The following FRMD4A variants were observed in gnomAD, a reference collection of about 807,000 sequenced individuals.
FRMD4A encodes the protein FERM domain containing 4A.
A neutral mutation model predicts 129.1 loss-of-function variants in FRMD4A; 29 were observed. The observed-to-expected ratio is 0.22, with a 90% CI of 0.17 to 0.31. The LOEUF (loss-of-function observed/expected upper bound fraction) is 0.31, where lower values mean the gene tolerates loss of function less well. Among genes scored for constraint, FRMD4A ranks in the 10% least tolerant of loss-of-function variants. The pLI is 1.00. For missense variants in FRMD4A, 1,272 were observed against 1,375.8 expected, an observed-to-expected ratio of 0.92 and a Z score of 1.19; for synonymous variants, 634 against 571.6, an observed-to-expected ratio of 1.11 and a Z score of -1.56.
intron 3 of FRMD4A, among the ~76,000 whole-genome samples, chr10:13,813,210 C>T (rs764242698): frequency 6.6e-6 from 1 of 152,202 alleles, no homozygotes; most frequent in Non-Finnish European, 1.5e-5. Context: ...TTTGGGAGGC[C>T]GAGGTGGGCA....
In FRMD4A at chr10:13,750,045, AAAGG is replaced by A. The variant is rs60816536; in HGVS notation, c.465-2230_465-2227del. On this transcript the variant is annotated intron_variant, in intron 8 of 24. Transcript: ENST00000357447. ...GGAGAGAGAGAAAGAGAGGGAAAGG[AAAGG>A]AAGGAAGGAAGGAAGGAAGGAAGAA... is the stretch of plus-strand genomic sequence containing the variant. Among the ~76,000 whole-genome samples the A allele has an allele frequency of 7.8e-3, 929 of 118,732 alleles. 7 individuals carry two copies. Among genetic ancestry groups the A allele is most frequent in the African/African-American group, 0.025 (747 of 29,554 alleles). The allele number at this position is 118,732 out of a possible 152,430, so 77.9% of individuals were successfully genotyped here. A position where few individuals can be genotyped will look rare whatever the true frequency, so the allele number is the denominator to read the frequency against.
chr10:13,758,224 G>A (rs572461383), intron 8 of FRMD4A, among the ~76,000 whole-genome samples: 5 of 152,194 alleles, frequency 3.3e-5, no homozygotes, highest in Non-Finnish European at 7.3e-5. Context: ...TTTAGATTCA[G>A]GACCTTTCAG....
Position 14,117,356 on chromosome 10 carries a change from C to CT in FRMD4A, c.45+212701dup, listed in dbSNP as rs555908144. Among the ~76,000 whole-genome samples the CT allele has an allele frequency of 4.6e-5, 7 of 152,334 alleles. 1 individual carries two copies. In the South Asian group the frequency reaches 1.5e-3, roughly 32 times the overall value. ...GGTGGCCCTAGCAAGGAGGATGGATCTTTTTATAAAATTGTACAAGCAACA... is the reference window on the plus strand; with the variant it reads ...GGTGGCCCTAGCAAGGAGGATGGATCTTTTTTATAAAATTGTACAAGCAACA... On this transcript the variant is annotated intron_variant, in intron 2 of 24. Transcript: ENST00000357447.
intron 8 of FRMD4A, among the ~76,000 whole-genome samples, chr10:13,748,169 C>T (rs997407492): frequency 6.6e-6 from 1 of 152,098 alleles, no homozygotes; most frequent in Non-Finnish European, 1.5e-5. Flanking sequence ...CCAGGGGTCC[C>T]CCAGGGCAGG....
intron 2 of FRMD4A, among the ~76,000 whole-genome samples, chr10:13,885,981 C>T (rs913216437): frequency 6.6e-5 from 10 of 152,088 alleles, no homozygotes; most frequent in Non-Finnish European, 1.3e-4. Flanking sequence ...CAGTGGGAGT[C>T]GGGAGATGGG....
intron 3 of FRMD4A, among the ~76,000 whole-genome samples, chr10:13,854,870 G>T (rs2094192303): frequency 6.6e-6 from 1 of 152,180 alleles, no homozygotes; most frequent in South Asian, 2.1e-4. Context: ...AAGGCTGCAG[G>T]CATGCTCTGG....
chr10:13,823,324 T>G (rs2093656159), intron 3 of FRMD4A, among the ~76,000 whole-genome samples: 1 of 152,170 alleles, frequency 6.6e-6, no homozygotes, highest in Admixed American at 6.5e-5. Context: ...GACTCCAGCC[T>G]GCTCAGGGCA....
intron 2 of FRMD4A, among the ~76,000 whole-genome samples, chr10:14,301,290 T>C (rs1026036573): frequency 6.6e-6 from 1 of 152,222 alleles, no homozygotes; most frequent in Non-Finnish European, 1.5e-5. Context: ...ATGGGCATAA[T>C]AGACATTACT....
At chr10:13,871,977 A>T (rs2094443771) in intron 2 of FRMD4A, among the ~76,000 whole-genome samples, 1 of 152,236 alleles carries the variant, frequency 6.6e-6, no homozygotes, top group Non-Finnish European at 1.5e-5. Context: ...GCTGAGTGTG[A>T]TCCTCCAGAA....
At chr10:14,183,298 A>C (rs1841971428) in intron 2 of FRMD4A, among the ~76,000 whole-genome samples, 2 of 152,252 alleles carry the variant, frequency 1.3e-5, no homozygotes, top group Non-Finnish European at 2.9e-5. Flanking sequence ...GGAAAGTTAC[A>C]CATTAATTTA....
Position 13,707,155 on chromosome 10 carries a change from G to C in FRMD4A, c.760-42C>G, listed in dbSNP as rs41291335. The C allele has an allele frequency of 3.3e-3, 3,699 of 1,114,530 alleles. 8 individuals carry two copies. Among genetic ancestry groups the C allele is most frequent in the Non-Finnish European group, 4.6e-3 (3,371 of 725,606 alleles). The allele number at this position is 1,114,530 out of a possible 1,614,324, so 69.0% of individuals were successfully genotyped here. On this transcript the variant is annotated intron_variant, in intron 12 of 24. Coordinates refer to ENST00000357447, the MANE Select transcript of FRMD4A (RefSeq NM_018027.5). ...GTAGTTTAAAACTCAGGAGGGGCTG[G>C]CTCCTGGGCCATCTTCCCCTCTCTG... is the stretch of plus-strand genomic sequence containing the variant.
intron 2 of FRMD4A, among the ~76,000 whole-genome samples, chr10:14,087,003 C>T (rs979299603): frequency 6.6e-6 from 1 of 151,930 alleles, no homozygotes; most frequent in East Asian, 1.9e-4. Flanking sequence ...CCAAACATCC[C>T]GATTTGCCCA....
intron 2 of FRMD4A, among the ~76,000 whole-genome samples, chr10:13,892,932 A>C (rs1281927618): frequency 6.6e-6 from 1 of 152,324 alleles, no homozygotes; most frequent in East Asian, 1.9e-4. Context: ...AAAAATTTTC[A>C]ACAGTTCAAA....
intron 2 of FRMD4A, among the ~76,000 whole-genome samples, chr10:14,048,441 A>C (rs1418374145): frequency 6.6e-6 from 1 of 152,234 alleles, no homozygotes; most frequent in African/African-American, 2.4e-5. Context: ...AGTAGTAAAA[A>C]CAATAATTTT....
At chr10:14,194,583 C>T (rs1250693998) in intron 2 of FRMD4A, among the ~76,000 whole-genome samples, 1 of 152,126 alleles carries the variant, frequency 6.6e-6, no homozygotes, top group Non-Finnish European at 1.5e-5. Context: ...TGCACTCTCG[C>T]CTGGGCGACA....
chr10:13,955,328 G>T (rs570971516), intron 2 of FRMD4A, among the ~76,000 whole-genome samples: 1 of 152,100 alleles, frequency 6.6e-6, no homozygotes, highest in East Asian at 1.9e-4. Context: ...GGCTGGTCTC[G>T]AACTCCTGAC....
In FRMD4A at chr10:13,679,510, C is replaced by CACACACACACACACACAT. The variant is rs2084338290; in HGVS notation, c.1118-4467_1118-4466insATGTGTGTGTGTGTGTGT. Among the ~76,000 whole-genome samples the CACACACACACACACACAT allele has an allele frequency of 3.1e-5, 4 of 127,294 alleles. No individual in the cohort carries two copies. The South Asian group carries it at 1.1e-3, about 35-fold the overall frequency. The allele number at this position is 127,294 out of a possible 152,430, so 83.5% of individuals were successfully genotyped here. A position where few individuals can be genotyped will look rare whatever the true frequency, so the allele number is the denominator to read the frequency against. On this transcript the variant is annotated intron_variant, in intron 15 of 24. Coordinates refer to ENST00000357447, the MANE Select transcript of FRMD4A (RefSeq NM_018027.5). ...ACACACACACACACACACACACACA[C>CACACACACACACACACAT]AGTGTTCACAAACGATGTTTCCTGA...
intron 2 of FRMD4A, among the ~76,000 whole-genome samples, chr10:14,218,930 G>C (rs977249542): frequency 8.9e-6 from 1 of 112,542 alleles, no homozygotes; most frequent in African/African-American, 3.6e-5. Flanking sequence ...ACTCCAGCCT[G>C]GGCAACAAGA....
intron 2 of FRMD4A, among the ~76,000 whole-genome samples, chr10:14,026,656 T>C (rs1476573418): frequency 6.6e-6 from 1 of 152,230 alleles, no homozygotes; most frequent in Non-Finnish European, 1.5e-5. Context: ...GCTCATGGTT[T>C]TGCCATGTCT....
Sources: gnomAD v4.1 joint callset for allele counts (sites outside exome capture counted in the v4.1 genomes callset) on GRCh38, gnomAD v4.1.1 for gene constraint, MANE v1.5 for transcripts, NCBI Gene and HGNC (gene_info 2026-07-23, HGNC 2026-07-21) for gene names.